The following ZHX2 variants were observed in gnomAD, a reference collection of about 807,000 sequenced individuals.
ZHX2 encodes zinc fingers and homeoboxes protein 2.
Under a neutral mutation model 21.9 loss-of-function variants are expected in ZHX2, and 6 were observed. The ratio of observed to expected loss-of-function variants is 0.27; its 90% CI spans 0.15 to 0.54. The LOEUF (loss-of-function observed/expected upper bound fraction) is 0.54, where lower values mean the gene tolerates loss of function less well. ZHX2 is among the 20% of genes least tolerant of loss of function. The pLI is 0.95. For missense variants in ZHX2, 908 were observed against 1,090.7 expected, an observed-to-expected ratio of 0.83 and a Z score of 2.36; for synonymous variants, 434 against 437.1, an observed-to-expected ratio of 0.99 and a Z score of 0.09.
intron 1 of ZHX2, among the ~76,000 whole-genome samples, chr8:122,786,818 C>T (rs1047875493): frequency 7.2e-5 from 11 of 151,976 alleles, no homozygotes; most frequent in African/African-American, 2.4e-4. Flanking sequence ...CCGTAATGTG[C>T]TGTGTCATAG....
chr8:122,926,788 G>T (rs1340524064), intron 2 of ZHX2, among the ~76,000 whole-genome samples: 1 of 152,036 alleles, frequency 6.6e-6, no homozygotes, highest in East Asian at 1.9e-4. Context: ...TCTATCTTCA[G>T]TGCTAGTGTG....
chr8:122,901,056 T>A (rs1820217498), intron 2 of ZHX2, among the ~76,000 whole-genome samples: 1 of 152,176 alleles, frequency 6.6e-6, no homozygotes, highest in African/African-American at 2.4e-5. Context: ...CAACTATGAT[T>A]TATTGGGTAT....
intron 2 of ZHX2, among the ~76,000 whole-genome samples, chr8:122,948,190 A>G (rs1813025472): frequency 6.6e-6 from 1 of 152,140 alleles, no homozygotes; most frequent in Non-Finnish European, 1.5e-5. Flanking sequence ...GTTTGTGAAA[A>G]TAAGTTCTTC....
At chr8:122,861,740 T>G (rs184742081) in intron 1 of ZHX2, among the ~76,000 whole-genome samples, 3 of 152,322 alleles carry the variant, frequency 2.0e-5, no homozygotes, top group Admixed American at 2.0e-4. Flanking sequence ...AATTAACCTC[T>G]CTGTTTTCCC....
intron 1 of ZHX2, among the ~76,000 whole-genome samples, chr8:122,856,594 A>G (rs1308506849): frequency 6.6e-6 from 1 of 152,132 alleles, no homozygotes; most frequent in Non-Finnish European, 1.5e-5. Flanking sequence ...AGGAGCCGTA[A>G]TCAAAGGTGT....
At chr8:122,939,025 C>T (rs982956298) in intron 2 of ZHX2, among the ~76,000 whole-genome samples, 1 of 152,106 alleles carries the variant, frequency 6.6e-6, no homozygotes. Flanking sequence ...GTAAGAGAAG[C>T]GGTGAGCAGG....
upstream of ZHX2, chr8:122,780,470 C>A (rs532153361): frequency 1.3e-5 from 2 of 152,472 alleles, no homozygotes; most frequent in South Asian, 4.1e-4. Context: ...CACAGGCCAG[C>A]CCAGGGGGAA....
chr8:122,824,498 G>A (rs1818220946), intron 1 of ZHX2, among the ~76,000 whole-genome samples: 1 of 152,192 alleles, frequency 6.6e-6, no homozygotes, highest in Admixed American at 6.5e-5. Flanking sequence ...CTCGCAACAA[G>A]TTGTCAGCCA....
chr8:122,973,956 G>T lies in ZHX2; in HGVS notation c.*719G>T, dbSNP rs1462966938. 1 of 152,594 alleles carries T rather than the reference G, an allele frequency of 6.6e-6. No homozygotes were observed. The highest frequency in any genetic ancestry group is 2.4e-5 in the African/African-American group (1 of 41,432). 9.5% of individuals were successfully genotyped at this position (152,594 alleles called of 1,614,324 possible). A position where few individuals can be genotyped will look rare whatever the true frequency, so the allele number is the denominator to read the frequency against. The stretch of plus-strand genomic sequence containing the variant: ...CAAGAGGGGATCTGGCTTCTCAACT[G>T]CTCGGCCTCTTGGGCCAGGCTGTGC... On this transcript the variant is annotated 3_prime_UTR_variant, in exon 4 of 4. Transcript: ENST00000314393.
intron 2 of ZHX2, among the ~76,000 whole-genome samples, chr8:122,928,022 C>G (rs964910301): frequency 6.6e-6 from 1 of 152,134 alleles, no homozygotes; most frequent in Non-Finnish European, 1.5e-5. Context: ...TCCCCGCTTT[C>G]GTAAAGTCCC....
chr8:122,916,470 C>T (rs532599273), intron 2 of ZHX2, among the ~76,000 whole-genome samples: 11 of 152,260 alleles, frequency 7.2e-5, no homozygotes, highest in South Asian at 4.1e-4. Flanking sequence ...AGAGGGGCTT[C>T]GGTGCCTTTC....
rs189324353 is a variant in ZHX2, at chr8:122,893,212, C to T, written c.-220+29673C>T. On this transcript the variant is annotated intron_variant, in intron 2 of 3. Transcript: ENST00000314393. The stretch of plus-strand genomic sequence containing the variant: ...TGAAAAATATGGTGTTAGTCTAATG[C>T]GAATTCTCTTATATGTGAGTTGATG... Among the ~76,000 whole-genome samples, 13 of 152,206 alleles carry T rather than the reference C, an allele frequency of 8.5e-5. 1 individual carries two copies. Among genetic ancestry groups the T allele is most frequent in the South Asian group, 6.2e-4 (3 of 4,814 alleles).
At chr8:122,795,373 C>G (rs555290465) in intron 1 of ZHX2, among the ~76,000 whole-genome samples, 2 of 152,238 alleles carry the variant, frequency 1.3e-5, no homozygotes, top group Non-Finnish European at 2.9e-5. Context: ...CTGGCCTAGC[C>G]CTGCTCCCTT....
intron 2 of ZHX2, among the ~76,000 whole-genome samples, chr8:122,875,446 T>A (rs1385868619): frequency 6.6e-6 from 1 of 152,220 alleles, no homozygotes; most frequent in East Asian, 1.9e-4. Context: ...ACACAGGCAG[T>A]AGTGTCAACC....
At chr8:122,877,585 T>C (rs369791227) in intron 2 of ZHX2, among the ~76,000 whole-genome samples, 1 of 152,204 alleles carries the variant, frequency 6.6e-6, no homozygotes, top group East Asian at 1.9e-4. Flanking sequence ...TCCAGCTTCA[T>C]CTGGATTTGC....
At chr8:122,887,031 T>G (rs1230774787) in intron 2 of ZHX2, among the ~76,000 whole-genome samples, 1 of 150,168 alleles carries the variant, frequency 6.7e-6, no homozygotes, top group African/African-American at 2.5e-5. Flanking sequence ...CTTATGTACC[T>G]GACACGGTGC....
At chr8:122,783,188 C>T (rs1314354332) in intron 1 of ZHX2, among the ~76,000 whole-genome samples, 1 of 152,146 alleles carries the variant, frequency 6.6e-6, no homozygotes, top group Non-Finnish European at 1.5e-5. Flanking sequence ...CTACCTTCAA[C>T]TGTTTCGCGG....
chr8:122,938,473 G>A (rs1416996802), intron 2 of ZHX2, among the ~76,000 whole-genome samples: 1 of 152,172 alleles, frequency 6.6e-6, no homozygotes, highest in African/African-American at 2.4e-5. Context: ...CACCAAGAAG[G>A]ATGGAGAGGA....
At chr8:122,796,582 T>C (rs11777048) in intron 1 of ZHX2, among the ~76,000 whole-genome samples, 90,593 of 152,050 alleles carry the variant, frequency 0.6, 27,093 homozygotes, top group African/African-American at 0.63. Context: ...GGGGAGAAAA[T>C]CTAGTTTCCT....
Sources: allele counts gnomAD v4.1 joint callset (sites outside exome capture counted in the v4.1 genomes callset), GRCh38; gene constraint gnomAD v4.1.1; transcripts MANE v1.5; gene names NCBI Gene and HGNC (gene_info 2026-07-23, HGNC 2026-07-21).